Variants in TRIO observed in about 807,000 individuals in gnomAD.
TRIO encodes the protein triple functional domain protein.
TRIO carries 58 observed loss-of-function variants against 351.9 expected under a neutral mutation model. The ratio of observed to expected loss-of-function variants is 0.16; its 90% CI spans 0.13 to 0.21. The LOEUF (loss-of-function observed/expected upper bound fraction) is 0.21, where lower values mean the gene tolerates loss of function less well. TRIO is among the 10% of genes least tolerant of loss of function. The pLI, the probability that TRIO is intolerant of heterozygous loss-of-function variation, is 1.00. For missense variants in TRIO, 3,201 were observed against 4,027.8 expected (o/e 0.79, Z 5.56); for synonymous variants, 1,758 against 1,595.7 (o/e 1.10, Z -2.42).
intron 10 of TRIO, among the ~76,000 whole-genome samples, chr5:14,335,427 C>G (rs990147660): frequency 6.6e-6 from 1 of 152,174 alleles, no homozygotes; most frequent in Admixed American, 6.5e-5. Flanking sequence ...GAGCTCCGTT[C>G]CTTTCCTGTC....
At chr5:14,144,167 C>T (rs1472248580) in intron 1 of TRIO, among the ~76,000 whole-genome samples, 1 of 152,190 alleles carries the variant, frequency 6.6e-6, no homozygotes, top group Admixed American at 6.5e-5. Context: ...ATCCCCCGGT[C>T]TGCCGCTCCC....
chr5:14,238,944 G>A (rs991897954), intron 1 of TRIO, among the ~76,000 whole-genome samples: 2 of 152,170 alleles, frequency 1.3e-5, no homozygotes, highest in African/African-American at 4.8e-5. Context: ...CAGGTACTTC[G>A]TAGGATTAAG....
At chr5:14,449,499 T>C (rs903168374) in intron 34 of TRIO, among the ~76,000 whole-genome samples, 1 of 152,238 alleles carries the variant, frequency 6.6e-6, no homozygotes, top group Admixed American at 6.5e-5. Flanking sequence ...TTGATTCCTA[T>C]GTTGGCCTCT....
intron 1 of TRIO, among the ~76,000 whole-genome samples, chr5:14,249,351 AC>A (rs1178318779): frequency 6.6e-6 from 1 of 152,050 alleles, no homozygotes. Flanking sequence ...ATTTGTTACT[AC>A]CCATCACTCC....
At chr5:14,437,764 G>C (rs990413907) in intron 34 of TRIO, among the ~76,000 whole-genome samples, 1 of 149,188 alleles carries the variant, frequency 6.7e-6, no homozygotes, top group Non-Finnish European at 1.5e-5. Flanking sequence ...CGCATTCCAA[G>C]GTCCAGGGCT....
intron 30 of TRIO, among the ~76,000 whole-genome samples, chr5:14,399,841 G>T (rs1173945389): frequency 6.6e-6 from 1 of 152,184 alleles, no homozygotes; most frequent in Non-Finnish European, 1.5e-5. Flanking sequence ...GGGCCAGGCA[G>T]AAGGGACGAT....
At chr5:14,372,854 T>G (rs746616151) in intron 18 of TRIO, among the ~76,000 whole-genome samples, 1 of 152,178 alleles carries the variant, frequency 6.6e-6, no homozygotes, top group Non-Finnish European at 1.5e-5. Context: ...CCTTGTTGTT[T>G]GGTTTGACAG....
At chr5:14,144,734 G>A (rs892623628) in intron 1 of TRIO, among the ~76,000 whole-genome samples, 5 of 151,996 alleles carry the variant, frequency 3.3e-5, no homozygotes, top group African/African-American at 9.7e-5. Flanking sequence ...AGGGGCACCG[G>A]GTTTGCTGCG....
intron 34 of TRIO, among the ~76,000 whole-genome samples, chr5:14,422,584 G>A (rs908422058): frequency 3.3e-5 from 5 of 152,214 alleles, no homozygotes; most frequent in East Asian, 3.8e-4. Context: ...ATGATGAGCC[G>A]TGCTCAGGTT....
Position 14,297,188 on chromosome 5 carries a change from G to A in TRIO, c.1293G>A (p.Lys431=). 6.2e-7 allele frequency: 1 copy of A among 1,614,218 alleles called. No homozygotes were observed. The highest frequency in any genetic ancestry group is 8.5e-7 in the Non-Finnish European group (1 of 1,180,042). The change falls in exon 7 of 57, where the codon AAG becomes AAA. Residue 431 remains lysine (K), a synonymous_variant. Transcript: ENST00000344204. Reference sequence around the variant, plus strand: ...CGAGTCAGCTGGAGCAGGAGTGGAAGGCGTTTGCGGCAGCCCTGGATGAGC... The same window carrying A: ...CGAGTCAGCTGGAGCAGGAGTGGAAAGCGTTTGCGGCAGCCCTGGATGAGC... ...QIASQLEQEW[K]AFAAALDERS...
In TRIO at chr5:14,359,551, CGCCTGCCTGCCTG is replaced by C. The variant is rs1018486679; in HGVS notation, c.2391+21_2391+33del. The C allele has an allele frequency of 1.9e-6, 3 of 1,608,302 alleles. No homozygotes were observed. The highest frequency in any genetic ancestry group is 2.6e-6 in the Non-Finnish European group (3 of 1,176,370). Reference sequence around the variant, plus strand: ...ATCGACGTGAGTGTCCCGCGGCTGGCGCCTGCCTGCCTGTGGGAGCCCTTGGCTTCCTCCACAG... The same window carrying C: ...ATCGACGTGAGTGTCCCGCGGCTGGCTGGGAGCCCTTGGCTTCCTCCACAG... On this transcript the variant is annotated intron_variant, in intron 13 of 56. Coordinates refer to ENST00000344204, the MANE Select transcript of TRIO (RefSeq NM_007118.4).
rs763007498 is a variant in TRIO at position 14,498,198 on chromosome 5, G to C, written c.8157G>C (p.Lys2719Asn). ...CGRPKASITWKGPEHNTLNND... is the reference protein window; with the variant it reads ...CGRPKASITWNGPEHNTLNND... ...GCCCCAAAGCCTCAATTACCTGGAA[G>C]GGCCCTGAACACAACACCTTGAACA... Residue 2719 changes from lysine (K) to asparagine (N), a missense_variant, in exon 52 of 57, where the codon AAG becomes AAC. Around this residue, in one of 19 missense-constraint regions of TRIO, gnomAD observed 1,089 missense variants for 954.9 expected, o/e 1.14. Coordinates refer to ENST00000344204, the MANE Select transcript of TRIO (RefSeq NM_007118.4). 1 of 1,614,212 alleles carries C rather than the reference G, an allele frequency of 6.2e-7. No individual in the cohort carries two copies. The highest frequency in any genetic ancestry group is 1.7e-5 in the Admixed American group (1 of 60,018).
At position 14,419,966 on chromosome 5, in the gene TRIO, G is replaced by A. The variant is rs1248543487; in HGVS notation, c.5148G>A (p.Leu1716=). The A allele has an allele frequency of 1.2e-6, 2 of 1,614,254 alleles. No homozygotes were observed. The highest frequency in any genetic ancestry group is 4.5e-5 in the East Asian group (2 of 44,888). ...AAGGCCTGGTCCCCTGTGGTTCACTGTGCATCGCCCACTCCAGAAGTAGCA... is the reference window on the plus strand; with the variant it reads ...AAGGCCTGGTCCCCTGTGGTTCACTATGCATCGCCCACTCCAGAAGTAGCA... ...AAEGLVPCGS[L]CIAHSRSSME... The change falls in exon 34 of 57, where the codon CTG becomes CTA. Residue 1716 remains leucine (L), a synonymous_variant. Coordinates refer to ENST00000344204, the MANE Select transcript of TRIO (RefSeq NM_007118.4).
chr5:14,310,000 C>T (rs548435670), intron 8 of TRIO, among the ~76,000 whole-genome samples: 1 of 152,282 alleles, frequency 6.6e-6, no homozygotes, highest in South Asian at 2.1e-4. Context: ...CTCTGCTGTG[C>T]TTTAATTAGA....
chr5:14,448,274 T>A (rs1465533610), intron 34 of TRIO, among the ~76,000 whole-genome samples: 2 of 152,254 alleles, frequency 1.3e-5, no homozygotes, highest in Admixed American at 6.5e-5. Context: ...CAGAAGTTCT[T>A]GCTTTCTGAG....
intron 34 of TRIO, among the ~76,000 whole-genome samples, chr5:14,454,012 C>G (rs1753046923): frequency 6.6e-6 from 1 of 152,096 alleles, no homozygotes; most frequent in South Asian, 2.1e-4. Context: ...TCACTGCAAC[C>G]TCTGCCTCCT....
intron 33 of TRIO, among the ~76,000 whole-genome samples, chr5:14,408,862 ATTC>A (rs1219242769): frequency 6.6e-6 from 1 of 151,908 alleles, no homozygotes; most frequent in Non-Finnish European, 1.5e-5. Flanking sequence ...TCAAAAGTTT[ATTC>A]TTTTTTTAAA....
At chr5:14,443,374 G>A (rs1378678290) in intron 34 of TRIO, among the ~76,000 whole-genome samples, 1 of 152,150 alleles carries the variant, frequency 6.6e-6, no homozygotes, top group African/African-American at 2.4e-5. Context: ...AACGCTTATA[G>A]TAATTTCAAG....
At chr5:14,296,394 C>T (rs1009447778) in intron 6 of TRIO, among the ~76,000 whole-genome samples, 1 of 152,098 alleles carries the variant, frequency 6.6e-6, no homozygotes, top group Non-Finnish European at 1.5e-5. Flanking sequence ...AGAGCTTGTT[C>T]TGCAAAAAGG....
Sources: allele counts gnomAD v4.1 joint callset (sites outside exome capture counted in the v4.1 genomes callset), GRCh38; gene constraint gnomAD v4.1.1; regional missense constraint gnomAD v4.1.1; transcripts MANE v1.5; gene names NCBI Gene and HGNC (gene_info 2026-07-23, HGNC 2026-07-21).